DAB1: variants seen among roughly 807,000 people sequenced by gnomAD.
DAB1 encodes DAB adaptor protein 1.
A neutral mutation model predicts 64.6 loss-of-function variants in DAB1; 15 were observed. The ratio of observed to expected loss-of-function variants is 0.23; its 90% CI spans 0.16 to 0.36. The LOEUF (loss-of-function observed/expected upper bound fraction) is 0.36, where lower values mean the gene tolerates loss of function less well. Among genes scored for constraint, DAB1 ranks in the 10% least tolerant of loss-of-function variants. The pLI, the probability that DAB1 is intolerant of heterozygous loss-of-function variation, is 1.00. For synonymous variants in DAB1, 235 were observed against 251.9 expected (o/e 0.93, Z 0.64); for missense variants, 596 against 706.7 (o/e 0.84, Z 1.78).
intron 1 of DAB1, among the ~76,000 whole-genome samples, chr1:57,352,199 G>C (rs893115767): frequency 5.9e-5 from 9 of 152,128 alleles, no homozygotes; most frequent in African/African-American, 2.2e-4. Context: ...TTAAGCTGCT[G>C]AGTCACTATA....
chr1:57,733,861 T>C (rs1428581787), intron 6 of DAB1, among the ~76,000 whole-genome samples: 1 of 152,010 alleles, frequency 6.6e-6, no homozygotes, highest in East Asian at 1.9e-4. Flanking sequence ...TAGGTGGCTT[T>C]GGGTGTCCTC....
intron 7 of DAB1, among the ~76,000 whole-genome samples, chr1:57,566,809 A>G (rs1317390191): frequency 3.3e-5 from 5 of 152,220 alleles, no homozygotes; most frequent in African/African-American, 1.2e-4. Context: ...AAAAAAGTCC[A>G]GGACCAGACG....
chr1:58,281,243 T>C (rs1661555761), intron 4 of DAB1, among the ~76,000 whole-genome samples: 1 of 152,236 alleles, frequency 6.6e-6, no homozygotes, highest in Non-Finnish European at 1.5e-5. Flanking sequence ...ACTCAGCATC[T>C]ATTACCTTGA....
intron 1 of DAB1, among the ~76,000 whole-genome samples, chr1:57,374,055 T>A (rs1300287743): frequency 2.0e-5 from 3 of 152,196 alleles, no homozygotes; most frequent in African/African-American, 7.2e-5. Flanking sequence ...TGGGGACAGG[T>A]CCCTTTGCTG....
Position 57,564,205 on chromosome 1 carries a change from A to G in DAB1, n.625+85387T>C, listed in dbSNP as rs530301516. On this transcript the variant is annotated intron_variant and non_coding_transcript_variant, in intron 7 of 20. Coordinates refer to the DAB1 transcript ENST00000485760. ...TGGAGTGAACCTCCAGCAAACTCCA[A>G]CAGACCTGCAGCTGAGGGTCCTGAC... is the stretch of plus-strand genomic sequence containing the variant. 2.6e-5 allele frequency among the ~76,000 whole-genome samples: 4 copies of G among 152,318 alleles called. No homozygotes were observed. In the South Asian group the frequency reaches 8.3e-4, roughly 32 times the overall value.
chr1:57,156,221 A>G (rs1168453943), intron 2 of DAB1, among the ~76,000 whole-genome samples: 3 of 152,148 alleles, frequency 2.0e-5, no homozygotes, highest in African/African-American at 7.2e-5. Flanking sequence ...ATCATGCACT[A>G]TCTGACCAAA....
chr1:57,648,726 G>A (rs1377196494), intron 7 of DAB1, among the ~76,000 whole-genome samples: 2 of 152,152 alleles, frequency 1.3e-5, no homozygotes, highest in African/African-American at 2.4e-5. Context: ...GCTTTTAATG[G>A]ACCATTGTTT....
intron 1 of DAB1, among the ~76,000 whole-genome samples, chr1:57,840,076 G>A (rs924945420): frequency 1.3e-5 from 2 of 152,186 alleles, no homozygotes; most frequent in African/African-American, 2.4e-5. Flanking sequence ...CCAGAAAGAG[G>A]AGAAATAGGA....
intron 4 of DAB1, among the ~76,000 whole-genome samples, chr1:57,091,488 C>T (rs985133487): frequency 1.1e-4 from 17 of 152,112 alleles, no homozygotes; most frequent in Admixed American, 3.3e-4. Flanking sequence ...AGGTATTTAG[C>T]TCAGAGAGAC....
In DAB1 at chr1:58,158,428, G is replaced by A. The variant is rs991748187; in HGVS notation, n.310-7840C>T. On this transcript the variant is annotated intron_variant and non_coding_transcript_variant, in intron 4 of 20. Coordinates refer to the DAB1 transcript ENST00000485760. ...AAAACCCCTGTGAGCCTAGGTATCA[G>A]TCCTGGCTTGTTCAAAGCTAAAACT... 2.0e-5 allele frequency among the ~76,000 whole-genome samples: 3 copies of A among 152,154 alleles called. No homozygotes were observed. In the East Asian group the frequency reaches 5.8e-4, roughly 29 times the overall value.
At chr1:58,203,977 CAA>C (rs557800806) in intron 4 of DAB1, among the ~76,000 whole-genome samples, 256 of 152,272 alleles carry the variant, frequency 1.7e-3, no homozygotes, top group African/African-American at 5.9e-3. Flanking sequence ...GAGAAAAACT[CAA>C]GAGTTTAGCT....
chr1:57,219,092 G>A (rs987393309), intron 2 of DAB1, among the ~76,000 whole-genome samples: 4 of 152,106 alleles, frequency 2.6e-5, no homozygotes, highest in Non-Finnish European at 5.9e-5. Context: ...AGTAGATTGG[G>A]AGCCAATACC....
intron 3 of DAB1, among the ~76,000 whole-genome samples, chr1:58,493,713 A>T (rs1322915558): frequency 6.6e-6 from 1 of 151,860 alleles, no homozygotes; most frequent in Non-Finnish European, 1.5e-5. Flanking sequence ...CTTACAAGGG[A>T]TGTGAAGGAC....
intron 3 of DAB1, among the ~76,000 whole-genome samples, chr1:57,141,021 A>G (rs944566752): frequency 1.3e-5 from 2 of 152,164 alleles, no homozygotes; most frequent in South Asian, 4.1e-4. Flanking sequence ...AACATGTAAA[A>G]CATATGTGTA....
At chr1:57,237,857 T>C (rs17115424) in intron 2 of DAB1, among the ~76,000 whole-genome samples, 1 of 152,130 alleles carries the variant, frequency 6.6e-6, no homozygotes, top group East Asian at 1.9e-4. Flanking sequence ...GGATGATGAA[T>C]TACACATAGA....
intron 2 of DAB1, among the ~76,000 whole-genome samples, chr1:57,155,753 C>CT (rs369604250): frequency 0.28 from 35,400 of 127,752 alleles, 5,451 homozygotes; most frequent in Middle Eastern, 0.41. Flanking sequence ...AGAGATCTTT[C>CT]TTTTTTTTTT....
At chr1:58,340,448 C>T (rs1265724099) in intron 4 of DAB1, among the ~76,000 whole-genome samples, 1 of 152,182 alleles carries the variant, frequency 6.6e-6, no homozygotes, top group Admixed American at 6.5e-5. Flanking sequence ...ACTCACTCCT[C>T]CTGCACTCAA....
At chr1:57,121,391 A>G (rs1253588337) in intron 4 of DAB1, among the ~76,000 whole-genome samples, 1 of 151,830 alleles carries the variant, frequency 6.6e-6, no homozygotes, top group Non-Finnish European at 1.5e-5. Flanking sequence ...TCACTATGAA[A>G]GATGTCTTTT....
At position 58,103,571 on chromosome 1, in the gene DAB1, G is replaced by T. The variant is rs568369389; in HGVS notation, n.387+46940C>A. On this transcript the variant is annotated intron_variant and non_coding_transcript_variant, in intron 5 of 20. Coordinates refer to the DAB1 transcript ENST00000485760. ...TTTCTTTGCCTCAGGCTCCAGTATG[G>T]CTCCATACTGCACTGTTACTGATCT... Among the ~76,000 whole-genome samples the T allele has an allele frequency of 7.9e-5, 12 of 152,184 alleles. No homozygotes were observed. The East Asian group carries it at 1.4e-3, about 17-fold the overall frequency.
Sources: allele counts gnomAD v4.1 joint callset (sites outside exome capture counted in the v4.1 genomes callset), GRCh38; gene constraint gnomAD v4.1.1; transcripts MANE v1.5; gene names NCBI Gene and HGNC (gene_info 2026-07-23, HGNC 2026-07-21).